Variants in MALRD1 observed in about 807,000 individuals in gnomAD.
MALRD1 encodes MAM and LDL receptor class A domain containing 1.
In MALRD1, 247 loss-of-function variants were observed where a neutral mutation model predicts 242.1. The ratio of observed to expected loss-of-function variants is 1.02; its 90% CI spans 0.92 to 1.13. The LOEUF (loss-of-function observed/expected upper bound fraction) is 1.13, where lower values mean the gene tolerates loss of function less well. Among genes scored for constraint, MALRD1 ranks in the 50% most tolerant of loss-of-function variants. The pLI, the probability that MALRD1 is intolerant of heterozygous loss-of-function variation, is 0.00. For missense variants in MALRD1, 2,989 were observed against 2,533.1 expected (o/e 1.18, Z -3.86); for synonymous variants, 995 against 866.6 (o/e 1.15, Z -2.60).
At chr10:19,354,204 C>A (rs1289557578) in intron 26 of MALRD1, among the ~76,000 whole-genome samples, 1 of 151,860 alleles carries the variant, frequency 6.6e-6, no homozygotes, top group Non-Finnish European at 1.5e-5. Flanking sequence ...AAAGTATGTA[C>A]AAAATAGTAT....
chr10:19,679,822 G>T (rs2131788445), intron 36 of MALRD1, among the ~76,000 whole-genome samples: 1 of 152,072 alleles, frequency 6.6e-6, no homozygotes, highest in Non-Finnish European at 1.5e-5. Flanking sequence ...CACTGCTTTA[G>T]CTGTGTCCCA....
chr10:19,372,472 A>T (rs1845419413), intron 26 of MALRD1, among the ~76,000 whole-genome samples: 1 of 144,954 alleles, frequency 6.9e-6, no homozygotes, highest in Admixed American at 6.9e-5. Flanking sequence ...ATAATATTTA[A>T]TTTTTTTTTT....
At chr10:19,110,655 C>T (rs2131351838) in intron 5 of MALRD1, among the ~76,000 whole-genome samples, 1 of 152,322 alleles carries the variant, frequency 6.6e-6, no homozygotes, top group East Asian at 1.9e-4. Flanking sequence ...AAAATCTTCT[C>T]TAATACCCCC....
intron 32 of MALRD1, among the ~76,000 whole-genome samples, chr10:19,564,190 T>A (rs963478113): frequency 2.6e-5 from 4 of 152,190 alleles, no homozygotes; most frequent in Admixed American, 6.5e-5. Context: ...ACACTCATAT[T>A]TTGTATTACC....
intron 18 of MALRD1, among the ~76,000 whole-genome samples, chr10:19,229,109 C>T (rs1837934357): frequency 6.6e-6 from 1 of 151,960 alleles, no homozygotes; most frequent in Non-Finnish European, 1.5e-5. Flanking sequence ...ATAAAGTGAA[C>T]ACACTGATAA....
At chr10:19,665,908 G>A (rs1841661849) in intron 36 of MALRD1, among the ~76,000 whole-genome samples, 1 of 146,636 alleles carries the variant, frequency 6.8e-6, no homozygotes, top group African/African-American at 2.5e-5. Context: ...TTAATTCCTT[G>A]CCGTAACAGA....
intron 29 of MALRD1, among the ~76,000 whole-genome samples, chr10:19,459,012 G>A (rs1313522363): frequency 2.6e-5 from 4 of 151,968 alleles, no homozygotes; most frequent in African/African-American, 9.7e-5. Context: ...AACACACAAT[G>A]CAATATTACA....
intron 33 of MALRD1, among the ~76,000 whole-genome samples, chr10:19,577,064 G>C (rs892759308): frequency 4.7e-5 from 7 of 148,024 alleles, no homozygotes; most frequent in Non-Finnish European, 8.9e-5. Context: ...ATATAACATA[G>C]AGTAGGTATG....
At chr10:19,388,569 A>C (rs150258454) in intron 27 of MALRD1, among the ~76,000 whole-genome samples, 2 of 152,292 alleles carry the variant, frequency 1.3e-5, no homozygotes, top group African/African-American at 4.8e-5. Flanking sequence ...TGTGCCTCAC[A>C]GAGATTGTGG....
At chr10:19,376,857 T>G (rs1845630974) in intron 26 of MALRD1, among the ~76,000 whole-genome samples, 1 of 152,114 alleles carries the variant, frequency 6.6e-6, no homozygotes, top group Non-Finnish European at 1.5e-5. Context: ...GATACATTAT[T>G]CTAGTTCACC....
Position 19,066,775 on chromosome 10 carries a change from CAG to C in MALRD1, c.259_260del (p.Leu88AlafsTer3). The C allele has an allele frequency of 1.6e-6, 2 of 1,233,456 alleles. No homozygotes were observed. Among genetic ancestry groups the C allele is most frequent in the Non-Finnish European group, 2.0e-6 (2 of 987,806 alleles). The allele number at this position is 1,233,456 out of a possible 1,614,324, so 76.4% of individuals were successfully genotyped here. A position where few individuals can be genotyped will look rare whatever the true frequency, so the allele number is the denominator to read the frequency against. ...EDGLCHMTQD[Q>X]SLQPSWTKRS... is the part of the protein sequence containing the mutation. ...TGGTCTCTGTCATATGACTCAAGATCAGAGTCTGCAACCTAGTTGGACAAAGA... is the reference window on the plus strand; with the variant it reads ...TGGTCTCTGTCATATGACTCAAGATCAGTCTGCAACCTAGTTGGACAAAGA... On this transcript the variant is annotated frameshift_variant, in exon 2 of 40. Transcript: ENST00000454679. LOFTEE classifies it high-confidence loss of function.
chr10:19,527,590 A>T (rs1348359645), intron 31 of MALRD1, among the ~76,000 whole-genome samples: 8 of 152,196 alleles, frequency 5.3e-5, no homozygotes, highest in African/African-American at 1.2e-4. Context: ...TGCTTCTGAG[A>T]TGGAAGTACA....
rs193092375 is a variant in MALRD1 at position 19,606,882 on chromosome 10, A to G, written c.5945-895A>G. 1.2e-3 allele frequency among the ~76,000 whole-genome samples: 179 copies of G among 152,272 alleles called. 1 individual carries two copies. The highest frequency in any genetic ancestry group is 4.0e-3 in the African/African-American group (166 of 41,566). On this transcript the variant is annotated intron_variant, in intron 34 of 39. Transcript: ENST00000454679. ...ATGCCAACCATAGCCTCTTCTTTCT[A>G]GGAAGTTGTAATCCTAAAGAAAGGA...
At chr10:19,454,184 A>C (rs902246173) in intron 29 of MALRD1, among the ~76,000 whole-genome samples, 2 of 152,034 alleles carry the variant, frequency 1.3e-5, no homozygotes, top group African/African-American at 4.8e-5. Context: ...AAGTCATGAA[A>C]AACATATGCA....
rs374555783 is a variant in MALRD1 at position 19,601,315 on chromosome 10, G to A, written c.5944+5858G>A. On this transcript the variant is annotated intron_variant, in intron 34 of 39. Coordinates refer to ENST00000454679, the MANE Select transcript of MALRD1 (RefSeq NM_001142308.3). ...TGTGTGAATTTTTTGGCTTAATTTT[G>A]GAATTATTCTATGTTGTACTTATAT... is the stretch of plus-strand genomic sequence containing the variant. Among the ~76,000 whole-genome samples, 17 of 151,910 alleles carry A rather than the reference G, an allele frequency of 1.1e-4. 1 individual carries two copies. In the East Asian group the frequency reaches 1.4e-3, roughly 12 times the overall value.
intron 26 of MALRD1, among the ~76,000 whole-genome samples, chr10:19,372,053 A>T (rs1232441136): frequency 6.6e-6 from 1 of 152,222 alleles, no homozygotes. Flanking sequence ...TGAATTGATT[A>T]TATTTAGAGG....
At chr10:19,228,951 CA>C (rs993756744) in intron 18 of MALRD1, among the ~76,000 whole-genome samples, 2 of 149,864 alleles carry the variant, frequency 1.3e-5, no homozygotes, top group South Asian at 2.2e-4. Context: ...TCAGCCCCCC[CA>C]AAAAAAGGCC....
intron 33 of MALRD1, among the ~76,000 whole-genome samples, chr10:19,569,223 T>C (rs1046956741): frequency 3.9e-5 from 6 of 152,210 alleles, no homozygotes; most frequent in Non-Finnish European, 7.4e-5. Context: ...CCACTAAATA[T>C]GCTGGTTTAT....
chr10:19,172,727 C>T (rs193206783), intron 13 of MALRD1, among the ~76,000 whole-genome samples: 1 of 151,574 alleles, frequency 6.6e-6, no homozygotes, highest in East Asian at 1.9e-4. Context: ...TCAACAAATG[C>T]TTGTCTAATG....
Sources: allele counts gnomAD v4.1 joint callset (sites outside exome capture counted in the v4.1 genomes callset), GRCh38; gene constraint gnomAD v4.1.1; transcripts MANE v1.5; gene names NCBI Gene and HGNC (gene_info 2026-07-23, HGNC 2026-07-21).